CERKL: variants seen among roughly 807,000 people sequenced by gnomAD.
The protein encoded by CERKL is CERK like autophagy regulator, also known as ceramide kinase-like protein.
In CERKL, 61 loss-of-function variants were observed where a neutral mutation model predicts 63.4. The ratio of observed to expected loss-of-function variants is 0.96; its 90% CI spans 0.78 to 1.19. The LOEUF (loss-of-function observed/expected upper bound fraction) is 1.19. Among genes scored for constraint, CERKL ranks in the 50% most tolerant of loss-of-function variants. The pLI, the probability that CERKL is intolerant of heterozygous loss-of-function variation, is 0.00. For missense variants in CERKL, 675 were observed against 655.5 expected (o/e 1.03, Z -0.33); for synonymous variants, 250 against 230.5 (o/e 1.08, Z -0.77).
At chr2:181,618,706 C>A (rs1420821603) in intron 1 of CERKL, among the ~76,000 whole-genome samples, 1 of 152,084 alleles carries the variant, frequency 6.6e-6, no homozygotes, top group Non-Finnish European at 1.5e-5. Context: ...GCCACCATGC[C>A]CATCTTTTTG....
At chr2:181,592,878 GATA>G (rs1685046562) in intron 2 of CERKL, among the ~76,000 whole-genome samples, 1 of 152,102 alleles carries the variant, frequency 6.6e-6, no homozygotes, top group Non-Finnish European at 1.5e-5. Context: ...TGATGACGGT[GATA>G]ATGATGAATT....
chr2:181,600,812 A>C lies in CERKL; in HGVS notation c.481+3025T>G, dbSNP rs139965271. Among the ~76,000 whole-genome samples the C allele has an allele frequency of 2.2e-3, 342 of 152,318 alleles. 1 individual carries two copies. The highest frequency in any genetic ancestry group is 3.5e-3 in the Non-Finnish European group (235 of 68,024). On this transcript the variant is annotated intron_variant, in intron 2 of 12. Coordinates refer to ENST00000410087, the MANE Select transcript of CERKL (RefSeq NM_201548.5). Reference sequence around the variant, plus strand: ...AGACAGATCACCATGGCAGAAAACTAACAAAGGTATACACTGGACTTAAAT... The same window carrying C: ...AGACAGATCACCATGGCAGAAAACTCACAAAGGTATACACTGGACTTAAAT...
chr2:181,623,555 A>G lies in CERKL; in HGVS notation c.239-19476T>C, dbSNP rs531871712. Among the ~76,000 whole-genome samples the G allele has an allele frequency of 1.3e-3, 204 of 152,362 alleles. 1 individual carries two copies. Among genetic ancestry groups the G allele is most frequent in the African/African-American group, 4.4e-3 (185 of 41,598 alleles). On this transcript the variant is annotated intron_variant, in intron 1 of 12. Coordinates refer to ENST00000410087, the MANE Select transcript of CERKL (RefSeq NM_201548.5). ...AAAATGATTTGAGCTTCACTCTTTC[A>G]ATATCGTTAATTGGAAACCTTCCAC...
chr2:181,544,664 G>C (rs754931712), intron 11 of CERKL, 36 bp downstream of exon 11: 1 of 1,215,138 alleles, frequency 8.2e-7, no homozygotes, highest in East Asian at 2.4e-5. Flanking sequence ...ATGATTAATA[G>C]CTTTGCAAAT....
chr2:181,590,081 C>T (rs777956006), intron 2 of CERKL, among the ~76,000 whole-genome samples: 4 of 152,048 alleles, frequency 2.6e-5, no homozygotes, highest in Non-Finnish European at 4.4e-5. Flanking sequence ...CTTGACCTCC[C>T]ATAGTGCTGA....
At position 181,558,588 on chromosome 2, in the gene CERKL, A is replaced by G. The variant is rs769105750; in HGVS notation, c.798T>C (p.Leu266=). The stretch of plus-strand genomic sequence containing the variant: ...TGCCTGCTGGTATTAAGCCAAGTGG[A>G]AGCTGTGCTCTGACAGGAGTCAGGA... ...DRILTPVRAQ[L]PLGLIPAGST... Residue 266 remains leucine, a synonymous_variant, in exon 5 of 13, where the codon CTT becomes CTC. Transcript: ENST00000410087. This position sits in a 1 kb window ranked among gnomAD's most constrained non-coding sequence, Gnocchi z 4.2. 1.2e-6 allele frequency: 2 copies of G among 1,613,708 alleles called. No individual in the cohort carries two copies. The highest frequency in any genetic ancestry group is 1.7e-6 in the Non-Finnish European group (2 of 1,179,792).
rs551211339 is a variant in CERKL, at chr2:181,645,652, T to A, written c.238+11117A>T. Among the ~76,000 whole-genome samples, 3 of 152,336 alleles carry A rather than the reference T, an allele frequency of 2.0e-5. No individual in the cohort carries two copies. The South Asian group carries it at 6.2e-4, about 32-fold the overall frequency. On this transcript the variant is annotated intron_variant, in intron 1 of 12. Coordinates refer to ENST00000410087, the MANE Select transcript of CERKL (RefSeq NM_201548.5). Reference sequence around the variant, plus strand: ...CTGCCTAGTGGCCTCCTCTACATAGTCTCTCTGAATCCAGGTTCAGGCACC... The same window carrying A: ...CTGCCTAGTGGCCTCCTCTACATAGACTCTCTGAATCCAGGTTCAGGCACC...
At chr2:181,568,093 T>C (rs1302434231) in intron 3 of CERKL, among the ~76,000 whole-genome samples, 3 of 152,158 alleles carry the variant, frequency 2.0e-5, no homozygotes, top group Non-Finnish European at 4.4e-5. Context: ...CCTCCCCTCT[T>C]TGGTGCAAAT....
At chr2:181,652,858 T>C (rs2105552104) in intron 1 of CERKL, among the ~76,000 whole-genome samples, 1 of 151,900 alleles carries the variant, frequency 6.6e-6, no homozygotes, top group East Asian at 1.9e-4. Context: ...CACTGCAATC[T>C]CCACCTCCTG....
rs763062899 is a variant in CERKL, at chr2:181,547,609, C to G, written c.1268+9G>C. On this transcript the variant is annotated intron_variant, in intron 10 of 12. Coordinates refer to ENST00000410087, the MANE Select transcript of CERKL (RefSeq NM_201548.5). ...ATGTATCAACAATTCAATAAAAATG[C>G]TTACTAACCTGGTATTAGGTGCCAA... The G allele has an allele frequency of 6.2e-7, 1 of 1,609,268 alleles. No individual in the cohort carries two copies. The highest frequency in any genetic ancestry group is 8.5e-7 in the Non-Finnish European group (1 of 1,175,774).
chr2:181,657,025 G>T lies in CERKL; in HGVS notation c.-19C>A, dbSNP rs373165260. 1,354 of 1,566,460 alleles carry T rather than the reference G, an allele frequency of 8.6e-4. 11 individuals are homozygous for T. The highest frequency in any genetic ancestry group is 4.3e-3 in the East Asian group (185 of 43,084). ...AGGGCATGGCGGAGTCGCAGGCTGG[G>T]CCCGAGCCAGGGGTCCGGGGAGGCC... On this transcript the variant is annotated 5_prime_UTR_variant, in exon 1 of 13. Transcript: ENST00000410087.
chr2:181,568,565 G>A (rs1008964640), intron 3 of CERKL, among the ~76,000 whole-genome samples: 2 of 151,898 alleles, frequency 1.3e-5, no homozygotes, highest in Non-Finnish European at 2.9e-5. Context: ...GTGTAGACAA[G>A]TTAAGTATCT....
At chr2:181,642,156 T>C (rs1050541786) in intron 1 of CERKL, among the ~76,000 whole-genome samples, 20 of 152,240 alleles carry the variant, frequency 1.3e-4, no homozygotes, top group African/African-American at 3.4e-4. Flanking sequence ...TCTTAACGTG[T>C]AGACTGATGA....
chr2:181,641,302 CATATATATATATATATATAT>C (rs1174454591), intron 1 of CERKL, among the ~76,000 whole-genome samples: 46 of 97,120 alleles, frequency 4.7e-4, no homozygotes, highest in East Asian at 1.5e-3. Context: ...TATGTGTATG[CATATATATATATATATATAT>C]ATATATATAT....
At chr2:181,593,730 C>T (rs1346544204) in intron 2 of CERKL, among the ~76,000 whole-genome samples, 2 of 152,008 alleles carry the variant, frequency 1.3e-5, no homozygotes, top group Non-Finnish European at 2.9e-5. Flanking sequence ...TTCTCATCTA[C>T]AAATCCCTCA....
At chr2:181,611,446 C>G (rs1685966214) in intron 1 of CERKL, among the ~76,000 whole-genome samples, 2 of 151,318 alleles carry the variant, frequency 1.3e-5, no homozygotes, top group South Asian at 4.2e-4. Flanking sequence ...ATAACTTGAG[C>G]CCAGGAGTTT....
chr2:181,584,779 T>C (rs1242629640), intron 2 of CERKL, among the ~76,000 whole-genome samples: 3 of 151,872 alleles, frequency 2.0e-5, no homozygotes, highest in Non-Finnish European at 2.9e-5. Flanking sequence ...AAGGAAATTA[T>C]GTTACTTTTC....
At chr2:181,582,252 G>A (rs1048512188) in intron 2 of CERKL, among the ~76,000 whole-genome samples, 9 of 152,050 alleles carry the variant, frequency 5.9e-5, no homozygotes, top group African/African-American at 2.2e-4. Flanking sequence ...TGCTTTAGCA[G>A]CTCATTTTTG....
intron 10 of CERKL, 31 bp downstream of exon 10, chr2:181,547,587 T>C (rs1337506911): frequency 6.3e-7 from 1 of 1,575,726 alleles, no homozygotes; most frequent in Middle Eastern, 1.7e-4. Context: ...ATAAGAAATG[T>C]ATCAACAATT....
Sources: gnomAD v4.1 joint callset for allele counts (sites outside exome capture counted in the v4.1 genomes callset) on GRCh38, gnomAD v4.1.1 for gene constraint, Gnocchi (gnomAD v3.1) non-coding constraint, MANE v1.5 for transcripts, NCBI Gene and HGNC (gene_info 2026-07-23, HGNC 2026-07-21) for gene names.